The following CA13 variants were observed in gnomAD, a reference collection of about 807,000 sequenced individuals.
The protein encoded by CA13 is carbonic anhydrase 13.
In CA13, 21 loss-of-function variants were observed where a neutral mutation model predicts 31.5. That is an observed-to-expected ratio of 0.67 (90% confidence interval 0.47 to 0.96). The LOEUF is 0.96. Among genes scored for constraint, CA13 ranks in the 40% least tolerant of loss-of-function variants. The probability of loss-of-function intolerance (pLI) is 0.00; values close to 1 mark genes in which losing one functional copy is unlikely to be tolerated. For synonymous variants in CA13, 117 were observed against 111.4 expected, an observed-to-expected ratio of 1.05 and a Z score of -0.32; for missense variants, 315 against 318.9, an observed-to-expected ratio of 0.99 and a Z score of 0.09.
chr8:85,271,239 G>T (rs1401553506), intron 6 of CA13, among the ~76,000 whole-genome samples: 1 of 152,144 alleles, frequency 6.6e-6, no homozygotes, highest in African/African-American at 2.4e-5. Flanking sequence ...TGTTAAAACT[G>T]CCAAGTTCAT....
chr8:85,261,575 C>T (rs539028111), intron 3 of CA13, among the ~76,000 whole-genome samples: 71 of 151,976 alleles, frequency 4.7e-4, no homozygotes, highest in African/African-American at 1.5e-3. Flanking sequence ...TACAGGCATG[C>T]GCCACCATGC....
rs1229536290 is a variant in CA13, at chr8:85,250,488, A to G, written c.38-252A>G. Among the ~76,000 whole-genome samples, 3 of 134,766 alleles carry G rather than the reference A, an allele frequency of 2.2e-5. No homozygotes were observed. The South Asian group carries it at 6.2e-4, about 28-fold the overall frequency. The allele number at this position is 134,766 out of a possible 152,430, so 88.4% of individuals were successfully genotyped here. A position where few individuals can be genotyped will look rare whatever the true frequency, so the allele number is the denominator to read the frequency against. ...TTGGAGAGTATTTTATAAAATTTACAGACTCTTGTCTACAAGGGTTACTTT... is the reference window on the plus strand; with the variant it reads ...TTGGAGAGTATTTTATAAAATTTACGGACTCTTGTCTACAAGGGTTACTTT... On this transcript the variant is annotated intron_variant, in intron 1 of 6. Transcript: ENST00000321764.
At chr8:85,249,081 C>A (rs918953421) in intron 1 of CA13, among the ~76,000 whole-genome samples, 24 of 152,202 alleles carry the variant, frequency 1.6e-4, no homozygotes, top group Non-Finnish European at 5.9e-5. Flanking sequence ...CAGATGACAT[C>A]TTTTAAGCTG....
intron 3 of CA13, among the ~76,000 whole-genome samples, chr8:85,260,228 T>C (rs1587538628): frequency 6.6e-6 from 1 of 150,708 alleles, no homozygotes; most frequent in African/African-American, 2.4e-5. Flanking sequence ...ATGCTCTACT[T>C]TTTTTAATCC....
At position 85,283,950 on chromosome 8, in the gene CA13, G is replaced by A. The variant is rs948200882; in HGVS notation, c.*2601G>A. 2 of 152,064 alleles carry A rather than the reference G, an allele frequency of 1.3e-5. No individual in the cohort carries two copies. The highest frequency in any genetic ancestry group is 2.4e-5 in the African/African-American group (1 of 41,416). 9.4% of individuals were successfully genotyped at this position (152,064 alleles called of 1,614,324 possible). ...GCCTCCTTTTTAAACAAATTAAAGAGTTGTAAATACTAGTGTAGATCTCTT... is the reference window on the plus strand; with the variant it reads ...GCCTCCTTTTTAAACAAATTAAAGAATTGTAAATACTAGTGTAGATCTCTT... On this transcript the variant is annotated 3_prime_UTR_variant, in exon 7 of 7. Coordinates refer to ENST00000321764, the MANE Select transcript of CA13 (RefSeq NM_198584.3).
chr8:85,265,340 C>G (rs1340149736), intron 3 of CA13, among the ~76,000 whole-genome samples: 2 of 152,202 alleles, frequency 1.3e-5, no homozygotes, highest in Admixed American at 6.5e-5. Flanking sequence ...TCACTTTGTC[C>G]TTTTGGGGAA....
Position 85,281,609 on chromosome 8 carries a change from C to A in CA13, c.*260C>A. On this transcript the variant is annotated 3_prime_UTR_variant, in exon 7 of 7. Coordinates refer to ENST00000321764, the MANE Select transcript of CA13 (RefSeq NM_198584.3). ...CTAATTGCAGCCTCCAACTCCTGGA[C>A]TCAAGTGATCCTCCCACCTCAGCCT... 1 of 640,706 alleles carries A rather than the reference C, an allele frequency of 1.6e-6. No homozygotes were observed. The highest frequency in any genetic ancestry group is 2.1e-6 in the Non-Finnish European group (1 of 476,698). 39.7% of individuals were successfully genotyped at this position (640,706 alleles called of 1,614,324 possible).
At chr8:85,246,694 T>A in intron 1 of CA13, 1 of 341,830 alleles carries the variant, frequency 2.9e-6, no homozygotes, top group Non-Finnish European at 5.8e-6. Context: ...ATTGTTTAAA[T>A]AATAATTATT....
At chr8:85,255,538 C>T (rs1190248040) in intron 2 of CA13, among the ~76,000 whole-genome samples, 2 of 151,880 alleles carry the variant, frequency 1.3e-5, no homozygotes, top group Non-Finnish European at 2.9e-5. Context: ...TCAAGCTGGT[C>T]TCGAACTCCT....
At chr8:85,249,469 T>C (rs1813788350) in intron 1 of CA13, among the ~76,000 whole-genome samples, 1 of 143,318 alleles carries the variant, frequency 7.0e-6, no homozygotes. Context: ...CATTCCAGCC[T>C]GGGTAACAGA....
chr8:85,245,796 C>G lies in CA13; in HGVS notation c.-33C>G, dbSNP rs900930109. Reference sequence around the variant, plus strand: ...TCCCTCCTCTTTCTCGCTGCTCAGTCACATCTTTCTCTTCCTTCCACCCCG... The same window carrying G: ...TCCCTCCTCTTTCTCGCTGCTCAGTGACATCTTTCTCTTCCTTCCACCCCG... On this transcript the variant is annotated 5_prime_UTR_variant, in exon 1 of 7. Transcript: ENST00000321764. 6.2e-7 allele frequency: 1 copy of G among 1,613,070 alleles called. No individual in the cohort carries two copies. The highest frequency in any genetic ancestry group is 1.1e-5 in the South Asian group (1 of 91,066).
intron 6 of CA13, among the ~76,000 whole-genome samples, chr8:85,274,080 T>C (rs1370052269): frequency 6.6e-6 from 1 of 152,058 alleles, no homozygotes; most frequent in African/African-American, 2.4e-5. Flanking sequence ...CTGGTGCCAG[T>C]GGCCTTGTGC....
intron 1 of CA13, chr8:85,249,883 A>T: frequency 2.3e-6 from 1 of 438,118 alleles, no homozygotes; most frequent in Non-Finnish European, 4.5e-6. Flanking sequence ...TCTTCCAAAG[A>T]AGTGAAGAGG....
At chr8:85,273,397 C>T (rs976648868) in intron 6 of CA13, among the ~76,000 whole-genome samples, 100 of 152,168 alleles carry the variant, frequency 6.6e-4, no homozygotes, top group Non-Finnish European at 7.4e-5. Flanking sequence ...GGGTTGTTTG[C>T]AAGAGTTCTT....
At chr8:85,252,736 A>G (rs1207744814) in intron 2 of CA13, among the ~76,000 whole-genome samples, 1 of 152,218 alleles carries the variant, frequency 6.6e-6, no homozygotes, top group Non-Finnish European at 1.5e-5. Context: ...GATCAGGATG[A>G]TGCTGTATTT....
In CA13 at chr8:85,245,833, C is replaced by T. The variant is rs773414651; in HGVS notation, c.5C>T (p.Ser2Leu). ...TTCCTTCCACCCCGAGGGACCATGT[C>T]GAGGCTCAGCTGGGGATACCGCGAG... is the stretch of plus-strand genomic sequence containing the variant. M[S>L]RLSWGYREHN... Residue 2 changes from serine to leucine, a missense_variant, in exon 1 of 7, where the codon TCG becomes TTG. Transcript: ENST00000321764. 82 of 1,614,036 alleles carry T rather than the reference C, an allele frequency of 5.1e-5. No individual in the cohort carries two copies. Among genetic ancestry groups the T allele is most frequent in the Non-Finnish European group, 1.4e-5 (16 of 1,180,010 alleles).
At chr8:85,274,903 C>A (rs1447020582) in intron 6 of CA13, among the ~76,000 whole-genome samples, 1 of 152,198 alleles carries the variant, frequency 6.6e-6, no homozygotes, top group African/African-American at 2.4e-5. Context: ...TTATCATACA[C>A]AGGGACTCCG....
chr8:85,283,972 T>C lies in CA13; in HGVS notation c.*2623T>C, dbSNP rs1477993310. ...AGAGTTGTAAATACTAGTGTAGATC[T>C]CTTTTGTTTACCACAGCAAATACTG... On this transcript the variant is annotated 3_prime_UTR_variant, in exon 7 of 7. Coordinates refer to ENST00000321764, the MANE Select transcript of CA13 (RefSeq NM_198584.3). 2.0e-5 allele frequency: 3 copies of C among 152,106 alleles called. No homozygotes were observed. The allele number at this position is 152,106 out of a possible 1,614,324, so 9.4% of individuals were successfully genotyped here.
Position 85,245,673 on chromosome 8 carries a change from A to T in CA13, c.-156A>T. The T allele has an allele frequency of 1.3e-6, 1 of 779,954 alleles. No homozygotes were observed. The allele number at this position is 779,954 out of a possible 1,614,324, so 48.3% of individuals were successfully genotyped here. ...CACGCCTCTGCCGTCTGGAGGACGC[A>T]GGCGGGAGCGCCCCGGACCGGGTTC... is the stretch of plus-strand genomic sequence containing the variant. On this transcript the variant is annotated 5_prime_UTR_variant, in exon 1 of 7. Transcript: ENST00000321764.
Sources: gnomAD v4.1 joint callset for allele counts (sites outside exome capture counted in the v4.1 genomes callset) on GRCh38, gnomAD v4.1.1 for gene constraint, MANE v1.5 for transcripts, NCBI Gene and HGNC (gene_info 2026-07-23, HGNC 2026-07-21) for gene names.